Variants in RALY observed in about 807,000 individuals in gnomAD.
RALY encodes the protein RNA-binding protein Raly.
Under a neutral mutation model 30.7 loss-of-function variants are expected in RALY, and 15 were observed. The ratio of observed to expected loss-of-function variants is 0.49; its 90% CI spans 0.33 to 0.75. RALY has a LOEUF of 0.75. Among genes scored for constraint, RALY ranks in the 30% least tolerant of loss-of-function variants. The probability of loss-of-function intolerance (pLI) is 0.02; values close to 1 mark genes in which losing one functional copy is unlikely to be tolerated. For missense variants in RALY, 339 were observed against 414.3 expected (o/e 0.82, Z 1.58); for synonymous variants, 177 against 170.8 (o/e 1.04, Z -0.28).
At chr20:33,994,845 A>G (rs889780509) in intron 1 of RALY, among the ~76,000 whole-genome samples, 6 of 152,154 alleles carry the variant, frequency 3.9e-5, no homozygotes, top group Non-Finnish European at 1.5e-5. Context: ...GGAACATTTA[A>G]TGAGACTTCA....
At position 34,029,538 on chromosome 20, in the gene RALY, G is replaced by C. The variant is rs577177731; in HGVS notation, c.-92-1984G>C. 8.0e-4 allele frequency among the ~76,000 whole-genome samples: 18 copies of C among 22,372 alleles called. No individual in the cohort carries two copies. The African/African-American group carries it at 9.7e-3, about 12-fold the overall frequency. The allele number at this position is 22,372 out of a possible 152,430, so 14.7% of individuals were successfully genotyped here. A position where few individuals can be genotyped will look rare whatever the true frequency, so the allele number is the denominator to read the frequency against. ...ATGATTTGGATGTAGAACTCTTAGA[G>C]GGGGAGAAAAAAAAAACCCACAAGG... On this transcript the variant is annotated intron_variant, in intron 1 of 9. Coordinates refer to ENST00000246194, the MANE Select transcript of RALY (RefSeq NM_016732.3).
chr20:34,029,911 C>G (rs1032962550), intron 1 of RALY: 1 of 152,218 alleles, frequency 6.6e-6, no homozygotes, highest in Non-Finnish European at 1.5e-5. Flanking sequence ...AGTACCTAGT[C>G]TGTTTCCAAC....
At chr20:34,059,450 T>C (rs2033352454) in intron 2 of RALY, among the ~76,000 whole-genome samples, 1 of 152,180 alleles carries the variant, frequency 6.6e-6, no homozygotes, top group South Asian at 2.1e-4. Flanking sequence ...TGTCTATGCT[T>C]ACGTGGCACA....
chr20:34,083,035 T>G lies in RALY; in HGVS notation c.*3130T>G, dbSNP rs2034054293. ...CAGGTTGATGACCCTGGGCAAGTCT[T>G]TTTCCTTACCAGGTCTCAGTTTCCT... is the stretch of plus-strand genomic sequence containing the variant. On this transcript the variant is annotated 3_prime_UTR_variant, in exon 10 of 10. Coordinates refer to ENST00000246194, the MANE Select transcript of RALY (RefSeq NM_016732.3). 2 of 152,198 alleles carry G rather than the reference T, an allele frequency of 1.3e-5. No individual in the cohort carries two copies. 9.4% of individuals were successfully genotyped at this position (152,198 alleles called of 1,614,324 possible).
At chr20:34,029,444 TAAAG>T (rs1485528821) in intron 1 of RALY, among the ~76,000 whole-genome samples, 59 of 100,728 alleles carry the variant, frequency 5.9e-4, no homozygotes, top group Non-Finnish European at 8.0e-4. Context: ...TTGCAAAACA[TAAAG>T]AAAGGAAGAA....
chr20:34,077,657 A>G (rs2033932327), intron 8 of RALY: 1 of 294,384 alleles, frequency 3.4e-6, no homozygotes, highest in Admixed American at 5.0e-5. Flanking sequence ...GCTGTCTCAT[A>G]AGGGGGTGAG....
At chr20:34,032,049 G>T (rs748925381) in intron 2 of RALY, among the ~76,000 whole-genome samples, 1 of 152,120 alleles carries the variant, frequency 6.6e-6, no homozygotes, top group African/African-American at 2.4e-5. Flanking sequence ...TGCAACCTCC[G>T]CCTCCCGGGT....
intron 2 of RALY, among the ~76,000 whole-genome samples, chr20:34,034,059 C>G (rs1371928156): frequency 6.6e-6 from 1 of 152,158 alleles, no homozygotes; most frequent in Non-Finnish European, 1.5e-5. Context: ...TCCCAAGAGC[C>G]CATCCCAACA....
intron 2 of RALY, among the ~76,000 whole-genome samples, chr20:34,069,430 G>A (rs1462278317): frequency 6.6e-6 from 1 of 152,130 alleles, no homozygotes; most frequent in Non-Finnish European, 1.5e-5. Flanking sequence ...TGGTGCTTGT[G>A]GCTCCCAGTA....
At chr20:33,995,013 T>A (rs2030540188) in intron 1 of RALY, among the ~76,000 whole-genome samples, 1 of 152,192 alleles carries the variant, frequency 6.6e-6, no homozygotes, top group South Asian at 2.1e-4. Context: ...CAGTACCTAT[T>A]ATTTATTAAT....
chr20:34,059,679 C>A (rs2033358783), intron 2 of RALY, among the ~76,000 whole-genome samples: 1 of 152,180 alleles, frequency 6.6e-6, no homozygotes, highest in Non-Finnish European at 1.5e-5. Context: ...TAACTTAGAG[C>A]TATGCCTGTT....
At chr20:34,063,664 A>G (rs1451261074) in intron 2 of RALY, among the ~76,000 whole-genome samples, 2 of 152,242 alleles carry the variant, frequency 1.3e-5, no homozygotes, top group African/African-American at 4.8e-5. Context: ...AGGAGACAGC[A>G]GTGAAGACAT....
intron 2 of RALY, among the ~76,000 whole-genome samples, chr20:34,034,041 A>G (rs2032383080): frequency 6.6e-6 from 1 of 152,180 alleles, no homozygotes; most frequent in Admixed American, 6.5e-5. Flanking sequence ...ATAGGATACT[A>G]CAGCAGTTCC....
At chr20:33,995,539 TC>T (rs1450201932) in intron 1 of RALY, among the ~76,000 whole-genome samples, 1 of 152,226 alleles carries the variant, frequency 6.6e-6, no homozygotes, top group African/African-American at 2.4e-5. Context: ...TTCAATGTGA[TC>T]CGGTTGGAGG....
intron 1 of RALY, among the ~76,000 whole-genome samples, chr20:34,031,089 A>AGGCTGTAGTGCAGT (rs2032254642): frequency 8.2e-6 from 1 of 121,714 alleles, no homozygotes; most frequent in Non-Finnish European, 1.6e-5. Flanking sequence ...CTTGTCACCC[A>AGGCTGTAGTGCAGT]GGCTGTAGTG....
chr20:34,076,132 A>G, intron 6 of RALY, 92 bp downstream of exon 6: 1 of 1,427,376 alleles, frequency 7.0e-7, no homozygotes, highest in Non-Finnish European at 9.6e-7. Flanking sequence ...CATAGATAAA[A>G]CAACAAGTCT....
intron 1 of RALY, among the ~76,000 whole-genome samples, chr20:34,019,410 A>T (rs932162325): frequency 6.6e-6 from 1 of 152,094 alleles, no homozygotes; most frequent in Non-Finnish European, 1.5e-5. Context: ...ACCTAGTGAG[A>T]TGCCTGGTCT....
intron 2 of RALY, among the ~76,000 whole-genome samples, chr20:34,035,371 T>G (rs1208798577): frequency 6.6e-6 from 1 of 152,106 alleles, no homozygotes; most frequent in African/African-American, 2.4e-5. Context: ...TACTGAATGC[T>G]CTACATAAAT....
At chr20:34,014,695 A>T (rs1273259737) in intron 1 of RALY, among the ~76,000 whole-genome samples, 1 of 152,236 alleles carries the variant, frequency 6.6e-6, no homozygotes, top group South Asian at 2.1e-4. Context: ...TAAAAATTTT[A>T]AAATTAGAAT....
Sources: gnomAD v4.1 joint callset for allele counts (sites outside exome capture counted in the v4.1 genomes callset) on GRCh38, gnomAD v4.1.1 for gene constraint, MANE v1.5 for transcripts, NCBI Gene and HGNC (gene_info 2026-07-23, HGNC 2026-07-21) for gene names.